PTGES3: variants seen among roughly 807,000 people sequenced by gnomAD.
PTGES3 encodes prostaglandin E synthase 3.
In PTGES3, 5 loss-of-function variants were observed where a neutral mutation model predicts 29.9. The observed-to-expected ratio is 0.17, with a 90% CI of 0.09 to 0.35. The LOEUF is 0.35. Among genes scored for constraint, PTGES3 ranks in the 10% least tolerant of loss-of-function variants. The probability of loss-of-function intolerance (pLI) is 1.00; values close to 1 mark genes in which losing one functional copy is unlikely to be tolerated. For missense variants in PTGES3, 128 were observed against 190.0 expected, an observed-to-expected ratio of 0.67 and a Z score of 1.92; for synonymous variants, 49 against 57.8, an observed-to-expected ratio of 0.85 and a Z score of 0.69.
intron 5 of PTGES3, among the ~76,000 whole-genome samples, chr12:56,668,962 T>C (rs1951887767): frequency 6.6e-6 from 1 of 151,982 alleles, no homozygotes; most frequent in African/African-American, 2.4e-5. Context: ...CAGACTTTCT[T>C]AAACTTTTTT....
In PTGES3 at chr12:56,673,484, G is replaced by GAAAAAAA. The variant is rs758207497; in HGVS notation, c.3-420_3-419insTTTTTTT. Among the ~76,000 whole-genome samples the GAAAAAAA allele has an allele frequency of 9.0e-4, 33 of 36,848 alleles. 10 individuals are homozygous for GAAAAAAA. The highest frequency in any genetic ancestry group is 1.6e-3 in the African/African-American group (25 of 16,098). The allele number at this position is 36,848 out of a possible 152,430, so 24.2% of individuals were successfully genotyped here. ...CCGACTCTACTACAAATACAAATAC[G>GAAAAAAA]GAAAAAAAAAAAAAAAAAAAAAAAA... On this transcript the variant is annotated intron_variant, in intron 1 of 7. Transcript: ENST00000262033.
rs990996965 is a variant in PTGES3 at position 56,665,443 on chromosome 12, C to T, written c.439-643G>A. 2.1e-5 allele frequency: 19 copies of T among 888,374 alleles called. No individual in the cohort carries two copies. The Admixed American group carries it at 5.0e-4, about 23-fold the overall frequency. 55.0% of individuals were successfully genotyped at this position (888,374 alleles called of 1,614,324 possible). Reference sequence around the variant, plus strand: ...CCAAGTAGCTGGGATTACAGGCACCCGCCACCATGCCCGGCTAATTTTTGT... The same window carrying T: ...CCAAGTAGCTGGGATTACAGGCACCTGCCACCATGCCCGGCTAATTTTTGT... On this transcript the variant is annotated intron_variant, in intron 6 of 7. Coordinates refer to ENST00000262033, the MANE Select transcript of PTGES3 (RefSeq NM_006601.7).
chr12:56,665,284 CTTTTTTTT>C (rs59007550), intron 6 of PTGES3: 13 of 806,816 alleles, frequency 1.6e-5, no homozygotes, highest in African/African-American at 2.4e-5. Flanking sequence ...CAATGTCCAT[CTTTTTTTT>C]TTTTTTTTTT....
chr12:56,686,226 T>C (rs924302774), intron 1 of PTGES3, among the ~76,000 whole-genome samples: 2 of 152,330 alleles, frequency 1.3e-5, no homozygotes, highest in South Asian at 2.1e-4. Context: ...TGTTTGGCTC[T>C]ATTATTAAAA....
intron 1 of PTGES3, chr12:56,686,949 A>T (rs1192315050): frequency 5.5e-6 from 2 of 362,480 alleles, no homozygotes; most frequent in African/African-American, 2.2e-5. Flanking sequence ...GTTCCACCTT[A>T]ATTGTTCTCC....
rs1952978224 is a variant in PTGES3, at chr12:56,688,164, G to C, written c.-165C>G. The C allele has an allele frequency of 7.7e-7, 1 of 1,301,050 alleles. No homozygotes were observed. The highest frequency in any genetic ancestry group is 1.6e-5 in the African/African-American group (1 of 64,072). The allele number at this position is 1,301,050 out of a possible 1,614,324, so 80.6% of individuals were successfully genotyped here. On this transcript the variant is annotated 5_prime_UTR_variant, in exon 1 of 8. Transcript: ENST00000262033. The stretch of plus-strand genomic sequence containing the variant: ...GGCGGCAGCGGCGGGCTCGACCTCG[G>C]GCCCCAGAATGCACCGCGCGGAAAG...
chr12:56,665,798 G>T, intron 6 of PTGES3: 1 of 682,086 alleles, frequency 1.5e-6, no homozygotes, highest in Non-Finnish European at 1.8e-6. Context: ...CTGCCATCAT[G>T]TCTGGCTAAG....
intron 5 of PTGES3, among the ~76,000 whole-genome samples, chr12:56,669,974 A>T (rs1222373489): frequency 1.3e-5 from 2 of 151,726 alleles, no homozygotes; most frequent in Non-Finnish European, 2.9e-5. Context: ...TGCTTTAAAA[A>T]AAAAAAAAAA....
At chr12:56,679,279 T>C (rs1162332227) in intron 1 of PTGES3, among the ~76,000 whole-genome samples, 1 of 151,952 alleles carries the variant, frequency 6.6e-6, no homozygotes, top group Non-Finnish European at 1.5e-5. Context: ...CATGGTAGCA[T>C]ACCTGTAATC....
intron 6 of PTGES3, chr12:56,665,272 T>G: frequency 1.0e-6 from 1 of 982,310 alleles, no homozygotes; most frequent in Non-Finnish European, 1.2e-6. Flanking sequence ...CTTACAGATT[T>G]CCAATGTCCA....
intron 1 of PTGES3, among the ~76,000 whole-genome samples, chr12:56,675,488 T>G (rs1319485496): frequency 7.1e-6 from 1 of 140,342 alleles, no homozygotes; most frequent in Non-Finnish European, 1.5e-5. Context: ...AAGATCACAC[T>G]ACTGCACTCT....
intron 1 of PTGES3, among the ~76,000 whole-genome samples, chr12:56,686,104 T>C (rs561609947): frequency 1.1e-5 from 1 of 90,988 alleles, no homozygotes; most frequent in Admixed American, 1.3e-4. Flanking sequence ...AGTTTTTAAA[T>C]CTACTTTCCT....
At chr12:56,670,407 G>T in intron 4 of PTGES3, 43 bp from the exon 5 acceptor site, 1 of 1,395,374 alleles carries the variant, frequency 7.2e-7, no homozygotes, top group Non-Finnish European at 1.0e-6. Flanking sequence ...AGGCTAATTT[G>T]CATTTGGCAT....
At position 56,687,236 on chromosome 12, in the gene PTGES3, T is replaced by C. The variant is rs1451179294; in HGVS notation, c.2+762A>G. On this transcript the variant is annotated intron_variant, in intron 1 of 7. Coordinates refer to ENST00000262033, the MANE Select transcript of PTGES3 (RefSeq NM_006601.7). ...TATTTCATCCTACACTGTAACAAGA[T>C]AGTGAAACCTCACCTCAAGTAGAAC... is the stretch of plus-strand genomic sequence containing the variant. The C allele has an allele frequency of 7.8e-6, 8 of 1,023,022 alleles. No individual in the cohort carries two copies. The South Asian group carries it at 1.8e-4, about 24-fold the overall frequency. 63.4% of individuals were successfully genotyped at this position (1,023,022 alleles called of 1,614,324 possible). A position where few individuals can be genotyped will look rare whatever the true frequency, so the allele number is the denominator to read the frequency against.
At chr12:56,666,480 A>G (rs1156514379) in intron 5 of PTGES3, among the ~76,000 whole-genome samples, 1 of 152,236 alleles carries the variant, frequency 6.6e-6, no homozygotes, top group Non-Finnish European at 1.5e-5. Context: ...AATTTTCCCT[A>G]AAGAAAAGCA....
At position 56,687,066 on chromosome 12, in the gene PTGES3, G is replaced by A. The variant is rs192448022; in HGVS notation, c.2+932C>T. ...CCGGCAGTTCCCACTGTACGCGGCA[G>A]TGCCAAGAATTCTTACCGGTTAAAA... On this transcript the variant is annotated intron_variant, in intron 1 of 7. Transcript: ENST00000262033. 3.9e-4 allele frequency: 178 copies of A among 450,890 alleles called. 1 individual carries two copies. In the East Asian group the frequency reaches 6.1e-3, roughly 15 times the overall value. The allele number at this position is 450,890 out of a possible 1,614,324, so 27.9% of individuals were successfully genotyped here.
At chr12:56,683,199 A>G (rs535796199) in intron 1 of PTGES3, among the ~76,000 whole-genome samples, 1 of 151,360 alleles carries the variant, frequency 6.6e-6, no homozygotes, top group African/African-American at 2.4e-5. Context: ...AATATATAAA[A>G]TTAGGCCAGA....
intron 1 of PTGES3, chr12:56,687,400 G>A (rs1211805079): frequency 6.1e-6 from 6 of 987,558 alleles, no homozygotes; most frequent in South Asian, 4.7e-5. Context: ...GGAGTTAGGA[G>A]GCGGACTGGA....
chr12:56,666,038 C>T (rs769042144), intron 6 of PTGES3, 166 bp downstream of exon 6: 12 of 1,385,748 alleles, frequency 8.7e-6, no homozygotes, highest in Non-Finnish European at 1.1e-5. Context: ...CTAATAGATA[C>T]CCCCATTCGT....
Sources: gnomAD v4.1 joint callset for allele counts (sites outside exome capture counted in the v4.1 genomes callset) on GRCh38, gnomAD v4.1.1 for gene constraint, MANE v1.5 for transcripts, NCBI Gene and HGNC (gene_info 2026-07-23, HGNC 2026-07-21) for gene names.